SRGAP3: variants seen among roughly 807,000 people sequenced by gnomAD.
SRGAP3 encodes the protein SLIT-ROBO Rho GTPase activating protein 3, also known as SLIT-ROBO Rho GTPase-activating protein 3.
In SRGAP3, 39 loss-of-function variants were observed where a neutral mutation model predicts 121.1. The observed-to-expected ratio is 0.32, with a 90% confidence interval of 0.25 to 0.42. The LOEUF is 0.42. Ranked by LOEUF, SRGAP3 falls within the 10% of genes least tolerant of loss-of-function variation. SRGAP3 has a pLI of 1.00. For synonymous variants in SRGAP3, 601 were observed against 570.0 expected (o/e 1.05, Z -0.77); for missense variants, 1,213 against 1,470.6 (o/e 0.82, Z 2.86).
rs186190868 is a variant in SRGAP3 at position 9,262,740 on chromosome 3, A to G, written n.442+63270T>C. Among the ~76,000 whole-genome samples the G allele has an allele frequency of 3.3e-5, 5 of 152,186 alleles. No homozygotes were observed. The East Asian group carries it at 9.6e-4, about 29-fold the overall frequency. ...ATAAAGCAAGTTCTTAGAGACCTAC[A>G]AAGAGACTTAGACTCCCACACAATA... On this transcript the variant is annotated intron_variant and non_coding_transcript_variant, in intron 3 of 3. Coordinates refer to the SRGAP3 transcript ENST00000490889.
At chr3:9,031,244 C>G (rs1444022093) in intron 12 of SRGAP3, among the ~76,000 whole-genome samples, 1 of 152,202 alleles carries the variant, frequency 6.6e-6, no homozygotes, top group Non-Finnish European at 1.5e-5. Context: ...TAACTAGCCC[C>G]TTCTTGGCCA....
intron 4 of SRGAP3, among the ~76,000 whole-genome samples, chr3:9,065,043 CCCT>C (rs1481665316): frequency 2.0e-5 from 3 of 152,048 alleles, no homozygotes; most frequent in African/African-American, 7.2e-5. Flanking sequence ...CGGGGAAAGC[CCCT>C]CCTCCCACAC....
chr3:9,079,004 G>T (rs550920373), intron 4 of SRGAP3, among the ~76,000 whole-genome samples: 52 of 152,232 alleles, frequency 3.4e-4, no homozygotes, highest in Middle Eastern at 6.8e-3. Context: ...CTCCCGCAAA[G>T]GCTCTCAGTG....
At chr3:9,142,023 C>A (rs894059998) in intron 1 of SRGAP3, among the ~76,000 whole-genome samples, 1 of 152,128 alleles carries the variant, frequency 6.6e-6, no homozygotes, top group Non-Finnish European at 1.5e-5. Context: ...ATGCACATAC[C>A]CTCGATCCAG....
chr3:9,095,711 T>G (rs1357434040), intron 3 of SRGAP3, among the ~76,000 whole-genome samples: 1 of 152,214 alleles, frequency 6.6e-6, no homozygotes, highest in Non-Finnish European at 1.5e-5. Flanking sequence ...TAGTAATGTC[T>G]GACTATCACT....
Position 8,990,551 on chromosome 3 carries a change from T to G in SRGAP3, c.2847A>C (p.Leu949=). 1 of 1,575,282 alleles carries G rather than the reference T, an allele frequency of 6.3e-7. No individual in the cohort carries two copies. The highest frequency in any genetic ancestry group is 8.6e-7 in the Non-Finnish European group (1 of 1,160,420). The change falls in exon 21 of 22, where the codon CTA becomes CTC. Residue 949 remains leucine (L), a synonymous_variant. Coordinates refer to ENST00000383836, the MANE Select transcript of SRGAP3 (RefSeq NM_014850.4). ...STCGSTRHSS[L]GDHKSLEAEA... is the part of the protein sequence containing the mutation. ...CGGCCTCCAGGGACTTGTGGTCCCC[T>G]AGGCTGCTGTGCCTGGTGGAACCGC... is the stretch of plus-strand genomic sequence containing the variant.
chr3:9,054,749 T>C (rs922535274), intron 8 of SRGAP3, among the ~76,000 whole-genome samples: 4 of 152,226 alleles, frequency 2.6e-5, no homozygotes, highest in Non-Finnish European at 5.9e-5. Context: ...GAATATTCCC[T>C]CCCGGAGAGG....
chr3:9,348,773 G>A (rs1427055481), intron 1 of SRGAP3: 4 of 1,366,860 alleles, frequency 2.9e-6, no homozygotes, highest in Middle Eastern at 1.8e-4. Flanking sequence ...TGAGGCCCAG[G>A]TGAAGATCTG....
chr3:9,025,123 G>T, intron 14 of SRGAP3, 138 bp downstream of exon 14: 1 of 852,144 alleles, frequency 1.2e-6, no homozygotes, highest in Non-Finnish European at 2.0e-6. Flanking sequence ...TGCATGTGAA[G>T]TTGGGAAGAG....
chr3:9,293,719 C>T (rs1032712639), intron 3 of SRGAP3, among the ~76,000 whole-genome samples: 2 of 151,972 alleles, frequency 1.3e-5, no homozygotes, highest in Non-Finnish European at 1.5e-5. Context: ...ATGCAGCCAA[C>T]AAACATACGA....
intron 1 of SRGAP3, among the ~76,000 whole-genome samples, chr3:9,183,580 G>A (rs1951496634): frequency 6.6e-6 from 1 of 151,872 alleles, no homozygotes; most frequent in African/African-American, 2.4e-5. Flanking sequence ...GCTTACTTGG[G>A]GCAGATGGCA....
intron 4 of SRGAP3, among the ~76,000 whole-genome samples, chr3:9,072,871 A>G (rs988887863): frequency 6.6e-6 from 1 of 152,176 alleles, no homozygotes; most frequent in African/African-American, 2.4e-5. Flanking sequence ...CTCTCTGTGT[A>G]TCTTCTTGCA....
At chr3:9,356,834 G>C (rs946822066) in intron 1 of SRGAP3, among the ~76,000 whole-genome samples, 4 of 152,126 alleles carry the variant, frequency 2.6e-5, no homozygotes, top group Non-Finnish European at 4.4e-5. Flanking sequence ...ATAGTACAAA[G>C]ATAGGCATTA....
At chr3:9,183,926 A>C (rs1453489149) in intron 1 of SRGAP3, among the ~76,000 whole-genome samples, 1 of 150,458 alleles carries the variant, frequency 6.6e-6, no homozygotes, top group African/African-American at 2.5e-5. Context: ...TTGTGGAGCC[A>C]GTTGTAGCAG....
chr3:9,054,391 C>T (rs1171754987), intron 8 of SRGAP3, among the ~76,000 whole-genome samples: 1 of 152,122 alleles, frequency 6.6e-6, no homozygotes, highest in Non-Finnish European at 1.5e-5. Context: ...TTATCTTAAC[C>T]CAGACATTCC....
At chr3:9,154,517 C>A (rs753702094) in intron 1 of SRGAP3, among the ~76,000 whole-genome samples, 8 of 152,024 alleles carry the variant, frequency 5.3e-5, no homozygotes, top group Non-Finnish European at 7.4e-5. Flanking sequence ...CAAGGCCCCA[C>A]CCCACTCCTC....
intron 1 of SRGAP3, among the ~76,000 whole-genome samples, chr3:9,360,334 A>C (rs2030726959): frequency 6.6e-6 from 1 of 152,216 alleles, no homozygotes; most frequent in South Asian, 2.1e-4. Context: ...TAAACCCACC[A>C]TACGCAGAAA....
chr3:9,026,865 A>T, intron 13 of SRGAP3, 70 bp downstream of exon 13: 1 of 1,553,162 alleles, frequency 6.4e-7, no homozygotes, highest in Non-Finnish European at 8.9e-7. Flanking sequence ...TTAGAATCTC[A>T]TTTCCTATCA....
At chr3:9,186,843 G>C (rs1026571793) in intron 1 of SRGAP3, among the ~76,000 whole-genome samples, 2 of 152,198 alleles carry the variant, frequency 1.3e-5, no homozygotes, top group Admixed American at 6.5e-5. Context: ...CTATTCTACA[G>C]AGGAACAGCT....
Sources: gnomAD v4.1 joint callset for allele counts (sites outside exome capture counted in the v4.1 genomes callset) on GRCh38, gnomAD v4.1.1 for gene constraint, MANE v1.5 for transcripts, NCBI Gene and HGNC (gene_info 2026-07-23, HGNC 2026-07-21) for gene names.